FASTKD1: variants seen among roughly 807,000 people sequenced by gnomAD.
FASTKD1 encodes the protein FAST kinase domains 1.
Under a neutral mutation model 90.9 loss-of-function variants are expected in FASTKD1, and 94 were observed. The observed-to-expected ratio is 1.03, with a 90% CI of 0.88 to 1.23. FASTKD1 has a LOEUF of 1.23. Ranked by LOEUF, FASTKD1 falls within the 50% of genes most tolerant of loss-of-function variation. The probability of loss-of-function intolerance (pLI) is 0.00; values close to 1 mark genes in which losing one functional copy is unlikely to be tolerated. For missense variants in FASTKD1, 945 were observed against 993.5 expected, an observed-to-expected ratio of 0.95 and a Z score of 0.66; for synonymous variants, 319 against 345.8, an observed-to-expected ratio of 0.92 and a Z score of 0.86.
At position 169,530,760 on chromosome 2, in the gene FASTKD1, A is replaced by C. The variant is rs999399638; in HGVS notation, c.2328-59T>G. On this transcript the variant is annotated intron_variant, in intron 13 of 14. Coordinates refer to ENST00000453153, the MANE Select transcript of FASTKD1 (RefSeq NM_024622.6). ...TCAGAATAAGAAACTGAATAATTAC[A>C]AGCTTTTCAGAAACAAGATTGCATC... 5 of 908,428 alleles carry C rather than the reference A, an allele frequency of 5.5e-6. No individual in the cohort carries two copies. The African/African-American group carries it at 6.7e-5, about 12-fold the overall frequency. The allele number at this position is 908,428 out of a possible 1,614,324, so 56.3% of individuals were successfully genotyped here.
chr2:169,537,209 A>G lies in FASTKD1; in HGVS notation c.2188+18T>C. The stretch of plus-strand genomic sequence containing the variant: ...TTTGATTTTCTGAAAGTAACTAATA[A>G]CCTACCCAATAACTTACCTACTTTG... On this transcript the variant is annotated intron_variant, in intron 12 of 14. Coordinates refer to ENST00000453153, the MANE Select transcript of FASTKD1 (RefSeq NM_024622.6). 1.5e-6 allele frequency: 2 copies of G among 1,375,814 alleles called. No homozygotes were observed. Among genetic ancestry groups the G allele is most frequent in the Non-Finnish European group, 2.1e-6 (2 of 964,744 alleles). The allele number at this position is 1,375,814 out of a possible 1,614,324, so 85.2% of individuals were successfully genotyped here. A position where few individuals can be genotyped will look rare whatever the true frequency, so the allele number is the denominator to read the frequency against.
At chr2:169,543,522 G>A (rs1685053330) in intron 9 of FASTKD1, among the ~76,000 whole-genome samples, 1 of 152,132 alleles carries the variant, frequency 6.6e-6, no homozygotes, top group African/African-American at 2.4e-5. Context: ...TACGGACTAG[G>A]TAGTAGATGG....
intron 4 of FASTKD1, among the ~76,000 whole-genome samples, chr2:169,561,942 ATAAATTAATTATTAATTTATTG>A (rs1683676068): frequency 3.6e-5 from 5 of 137,950 alleles, no homozygotes; most frequent in Non-Finnish European, 6.1e-5. Context: ...TTAATTTATT[ATAAATTAATTATTAATTTATTG>A]TAAATTAATT....
In FASTKD1 at chr2:169,560,625, A is replaced by G. The variant is rs747838717; in HGVS notation, c.733T>C (p.Tyr245His). 1 of 1,612,594 alleles carries G rather than the reference A, an allele frequency of 6.2e-7. No homozygotes were observed. Among genetic ancestry groups the G allele is most frequent in the East Asian group, 2.2e-5 (1 of 44,806 alleles). The change falls in exon 5 of 15, where the codon TAT becomes CAT. Residue 245 changes from tyrosine (Y) to histidine (H), a missense_variant. Coordinates refer to ENST00000453153, the MANE Select transcript of FASTKD1 (RefSeq NM_024622.6). Reference protein sequence around the residue: ...AKFLRNVRYRYQPLLERCNNV... With the variant: ...AKFLRNVRYRHQPLLERCNNV... ...TTACATCTTTCTAATAGTGGTTGAT[A>G]ACGATATCTAACATTTCGAAGAAAC...
intron 4 of FASTKD1, among the ~76,000 whole-genome samples, chr2:169,561,884 G>A (rs978121710): frequency 2.9e-5 from 4 of 136,246 alleles, no homozygotes; most frequent in African/African-American, 1.1e-4. Flanking sequence ...TTAATTTATT[G>A]TAAATTATTT....
chr2:169,559,069 G>A (rs1420957347), intron 5 of FASTKD1, among the ~76,000 whole-genome samples: 1 of 151,336 alleles, frequency 6.6e-6, no homozygotes, highest in African/African-American at 2.4e-5. Flanking sequence ...GCACCTCCCG[G>A]GTTCAAGCGA....
chr2:169,553,422 C>G (rs930598836), intron 7 of FASTKD1, among the ~76,000 whole-genome samples: 1 of 152,020 alleles, frequency 6.6e-6, no homozygotes, highest in Non-Finnish European at 1.5e-5. Flanking sequence ...CAATAAGCAT[C>G]TTATCATCTT....
Position 169,529,029 on chromosome 2 carries a change from G to A in FASTKD1, c.*796C>T, listed in dbSNP as rs909067079. ...TTAAGCGATTTCATCTACTCTCATGGCATTGAATACTGCTGACATTTATAC... is the reference window on the plus strand; with the variant it reads ...TTAAGCGATTTCATCTACTCTCATGACATTGAATACTGCTGACATTTATAC... On this transcript the variant is annotated 3_prime_UTR_variant, in exon 15 of 15. Coordinates refer to ENST00000453153, the MANE Select transcript of FASTKD1 (RefSeq NM_024622.6). Among the ~76,000 whole-genome samples the A allele has an allele frequency of 6.6e-6, 1 of 151,990 alleles. No homozygotes were observed. The highest frequency in any genetic ancestry group is 1.5e-5 in the Non-Finnish European group (1 of 68,014).
At chr2:169,550,693 G>A (rs147675614) in intron 7 of FASTKD1, among the ~76,000 whole-genome samples, 80 of 152,086 alleles carry the variant, frequency 5.3e-4, no homozygotes, top group Admixed American at 3.3e-3. Flanking sequence ...TGAACACACC[G>A]GTCTTGAATT....
Position 169,538,079 on chromosome 2 carries a change from A to C in FASTKD1, c.2008T>G (p.Cys670Gly). ...ATCTGAAACTCAGGGCATTCCAAGC[A>C]GACTGATCTATTTAACTCCATAAGA... The part of the protein sequence containing the change: ...FHLMELNRSV[C>G]LECPEFQIPW... Residue 670 changes from cysteine (C) to glycine (G), a missense_variant, in exon 11 of 15, where the codon TGC becomes GGC. Physicochemically the swap from Cys to Gly is radical, Grantham distance 159 (BLOSUM62 -3). Coordinates refer to ENST00000453153, the MANE Select transcript of FASTKD1 (RefSeq NM_024622.6). The C allele has an allele frequency of 3.1e-6, 5 of 1,612,624 alleles. No homozygotes were observed. Among genetic ancestry groups the C allele is most frequent in the Non-Finnish European group, 4.2e-6 (5 of 1,179,308 alleles).
chr2:169,537,329 T>C lies in FASTKD1; in HGVS notation c.2086A>G (p.Met696Val), dbSNP rs776355429. 2 of 1,595,524 alleles carry C rather than the reference T, an allele frequency of 1.3e-6. No individual in the cohort carries two copies. ...CQQYNKGIGG[M>V]DGTQQQIFKM... ...AAAATCTGCTGTTGTGTTCCATCCA[T>C]GCCACCAATACCTTTATAAAAAAAT... is the stretch of plus-strand genomic sequence containing the variant. The change falls in exon 12 of 15, where the codon ATG becomes GTG. Residue 696 changes from methionine (M) to valine (V), a missense_variant. By Grantham distance (21) the Met-to-Val change is conservative. Transcript: ENST00000453153.
At chr2:169,570,371 CA>C (rs1684178153) in intron 2 of FASTKD1, among the ~76,000 whole-genome samples, 1 of 151,880 alleles carries the variant, frequency 6.6e-6, no homozygotes, top group African/African-American at 2.4e-5. Flanking sequence ...TCACAAATCC[CA>C]AAACTGGAAT....
chr2:169,548,901 T>C (rs1366900035), intron 7 of FASTKD1, among the ~76,000 whole-genome samples: 2 of 151,618 alleles, frequency 1.3e-5, no homozygotes, highest in Non-Finnish European at 2.9e-5. Context: ...GAGACCATTC[T>C]GGCTAACATG....
rs2105397764 is a variant in FASTKD1, at chr2:169,557,204, G to A, written c.1065C>T (p.Asn355=). ...AAAGATACCTTTTAATCAGACATGAGTTTCTGCTTTCCATATCTCCCATTG... is the reference window on the plus strand; with the variant it reads ...AAAGATACCTTTTAATCAGACATGAATTTCTGCTTTCCATATCTCCCATTG... The part of the protein sequence containing the change: ...LGAMGDMESR[N]SCLIKRVTSV... Residue 355 remains asparagine (N), a synonymous_variant, in exon 6 of 15, where the codon AAC becomes AAT. Coordinates refer to ENST00000453153, the MANE Select transcript of FASTKD1 (RefSeq NM_024622.6). 1 of 1,608,680 alleles carries A rather than the reference G, an allele frequency of 6.2e-7. No homozygotes were observed. The highest frequency in any genetic ancestry group is 8.5e-7 in the Non-Finnish European group (1 of 1,175,710).
At chr2:169,545,868 C>T (rs1311452971) in intron 8 of FASTKD1, among the ~76,000 whole-genome samples, 1 of 152,180 alleles carries the variant, frequency 6.6e-6, no homozygotes, top group African/African-American at 2.4e-5. Flanking sequence ...TCCAAATCTA[C>T]AATGCCGGAA....
At chr2:169,572,521 C>CCATATATATTTATACATA (rs1395177856) in intron 1 of FASTKD1, among the ~76,000 whole-genome samples, 2 of 150,630 alleles carry the variant, frequency 1.3e-5, no homozygotes, top group Non-Finnish European at 3.0e-5. Flanking sequence ...TAATTCAGAG[C>CCATATATATTTATACATA]CATATATATT....
At chr2:169,561,662 T>C (rs1683606864) in intron 4 of FASTKD1, among the ~76,000 whole-genome samples, 1 of 149,744 alleles carries the variant, frequency 6.7e-6, no homozygotes. Context: ...GTGAATTTGT[T>C]TATAAATTAA....
chr2:169,564,195 C>T (rs1683849604), intron 3 of FASTKD1, among the ~76,000 whole-genome samples: 1 of 151,996 alleles, frequency 6.6e-6, no homozygotes, highest in African/African-American at 2.4e-5. Context: ...TTAAGAGACA[C>T]AGTAATTGTG....
At chr2:169,551,651 G>T (rs1292828680) in intron 7 of FASTKD1, among the ~76,000 whole-genome samples, 1 of 152,090 alleles carries the variant, frequency 6.6e-6, no homozygotes, top group Admixed American at 6.6e-5. Flanking sequence ...ACAAAAAGTA[G>T]CTGGGTGTGG....
Sources: allele counts gnomAD v4.1 joint callset (sites outside exome capture counted in the v4.1 genomes callset), GRCh38; gene constraint gnomAD v4.1.1; transcripts MANE v1.5; gene names NCBI Gene and HGNC (gene_info 2026-07-23, HGNC 2026-07-21).